Variants in FOXN4 observed in about 807,000 individuals in gnomAD.
FOXN4 encodes the protein forkhead box protein N4.
A neutral mutation model predicts 45.0 loss-of-function variants in FOXN4; 12 were observed. That is an observed-to-expected ratio of 0.27 (90% CI 0.17 to 0.43). The LOEUF is 0.43. Among genes scored for constraint, FOXN4 ranks in the 20% least tolerant of loss-of-function variants. The pLI is 1.00. For missense variants in FOXN4, 560 were observed against 694.9 expected (o/e 0.81, Z 2.18); for synonymous variants, 297 against 295.0 (o/e 1.01, Z -0.07).
rs1279735547 is a variant in FOXN4 at position 109,288,055 on chromosome 12, C to T, written c.357+1G>A. On this transcript the variant is annotated splice_donor_variant, in intron 4 of 9. Transcript: ENST00000299162. LOFTEE classifies it high-confidence loss of function. This position sits in a 1 kb window ranked among gnomAD's most constrained non-coding sequence, Gnocchi z 4.3. ...TCCGCAGTCCATGCAGTGCCACTTACGCTGTCTCTGTGGCCAGTTATGGGG... is the reference window on the plus strand; with the variant it reads ...TCCGCAGTCCATGCAGTGCCACTTATGCTGTCTCTGTGGCCAGTTATGGGG... 3 of 1,550,172 alleles carry T rather than the reference C, an allele frequency of 1.9e-6. No homozygotes were observed. The highest frequency in any genetic ancestry group is 1.4e-5 in the African/African-American group (1 of 73,042).
chr12:109,293,394 G>A (rs558539757), intron 2 of FOXN4, among the ~76,000 whole-genome samples: 14 of 152,286 alleles, frequency 9.2e-5, no homozygotes, highest in Admixed American at 4.6e-4. Flanking sequence ...GCCAGGACCA[G>A]CCAGTCCTGC....
chr12:109,287,489 C>T lies in FOXN4; in HGVS notation c.504G>A (p.Gly168=). 3 of 1,548,330 alleles carry T rather than the reference C, an allele frequency of 1.9e-6. No homozygotes were observed. The highest frequency in any genetic ancestry group is 2.6e-6 in the Non-Finnish European group (3 of 1,145,620). The change falls in exon 6 of 10, where the codon GGG becomes GGA. Residue 168 remains glycine, a synonymous_variant. Transcript: ENST00000299162. The surrounding 1 kb of genome is among the most constrained non-coding windows in gnomAD (Gnocchi z 4.1). ...GGGGCTGGGGGTAGGGGGGCCGCAC[C>T]CCAAATGGGGGGCCATAGAGGCCCA... ...PPVGLYGPPF[G]VRPPYPQPHV... is the part of the protein sequence containing the mutation.
In FOXN4 at chr12:109,290,237, G is replaced by A. The variant is rs2047754659; in HGVS notation, c.136C>T (p.Leu46=). ...ACATCCACCGCCGTGAGCCACGACA[G>A]CGACTGCAGGTCCCCGGGAAGGTCA... ...DDDLPGDLQS[L]SWLTAVDVPR... Residue 46 remains leucine (L), a synonymous_variant, in exon 3 of 10, where the codon CTG becomes TTG. Coordinates refer to ENST00000299162, the MANE Select transcript of FOXN4 (RefSeq NM_213596.3). This position sits in a 1 kb window ranked among gnomAD's most constrained non-coding sequence, Gnocchi z 5.1. 6.4e-7 allele frequency: 1 copy of A among 1,551,400 alleles called. No individual in the cohort carries two copies. The highest frequency in any genetic ancestry group is 8.7e-7 in the Non-Finnish European group (1 of 1,146,920).
intron 2 of FOXN4, among the ~76,000 whole-genome samples, chr12:109,307,996 A>G (rs2047936853): frequency 6.6e-6 from 1 of 152,162 alleles, no homozygotes; most frequent in East Asian, 1.9e-4. Flanking sequence ...TCAAATGCAG[A>G]AACGGACCTC....
At position 109,291,341 on chromosome 12, in the gene FOXN4, C is replaced by T. The variant is rs2047766324; in HGVS notation, c.87-1055G>A. On this transcript the variant is annotated intron_variant, in intron 2 of 9. Coordinates refer to ENST00000299162, the MANE Select transcript of FOXN4 (RefSeq NM_213596.3). This position sits in a 1 kb window ranked among gnomAD's most constrained non-coding sequence, Gnocchi z 6.6. The stretch of plus-strand genomic sequence containing the variant: ...CAGCCCAGGAGCACACGCCCGACTC[C>T]ACCACATCTGCCACCCCTGTAGCCA... Among the ~76,000 whole-genome samples, 1 of 152,106 alleles carries T rather than the reference C, an allele frequency of 6.6e-6. No individual in the cohort carries two copies. The highest frequency in any genetic ancestry group is 1.5e-5 in the Non-Finnish European group (1 of 68,016).
chr12:109,304,263 G>GAAAGAA (rs1409610126), intron 2 of FOXN4, among the ~76,000 whole-genome samples: 1 of 93,280 alleles, frequency 1.1e-5, no homozygotes, highest in South Asian at 3.2e-4. Context: ...AAGAAAGAAA[G>GAAAGAA]AAAGAAAGAA....
chr12:109,306,867 G>T (rs2047925900), intron 2 of FOXN4, among the ~76,000 whole-genome samples: 1 of 152,216 alleles, frequency 6.6e-6, no homozygotes, highest in Admixed American at 6.5e-5. Flanking sequence ...TAAATCACTT[G>T]GCATTATTTA....
chr12:109,283,064 T>C (rs368936566), intron 8 of FOXN4, among the ~76,000 whole-genome samples: 4 of 151,958 alleles, frequency 2.6e-5, no homozygotes, highest in African/African-American at 9.7e-5. Context: ...CTACACCGCA[T>C]GGTGATACCC....
At chr12:109,295,752 C>G (rs557895119) in intron 2 of FOXN4, among the ~76,000 whole-genome samples, 37 of 152,332 alleles carry the variant, frequency 2.4e-4, no homozygotes, top group African/African-American at 8.9e-4. Context: ...TGCCACTGCA[C>G]TCCAGCCTGG....
At chr12:109,294,036 C>A (rs2047794237) in intron 2 of FOXN4, among the ~76,000 whole-genome samples, 1 of 152,180 alleles carries the variant, frequency 6.6e-6, no homozygotes, top group African/African-American at 2.4e-5. Context: ...TGTCTGCCTC[C>A]CTCAGGTGGT....
At chr12:109,301,257 G>A (rs1373676490) in intron 2 of FOXN4, among the ~76,000 whole-genome samples, 1 of 152,200 alleles carries the variant, frequency 6.6e-6, no homozygotes, top group East Asian at 1.9e-4. Flanking sequence ...CCGAACAGAG[G>A]TGAGAACAGA....
At chr12:109,293,583 C>T (rs1306652955) in intron 2 of FOXN4, among the ~76,000 whole-genome samples, 12 of 152,150 alleles carry the variant, frequency 7.9e-5, no homozygotes, top group Admixed American at 7.2e-4. Context: ...CTGCAACCTC[C>T]GCCTCCTGAG....
chr12:109,298,250 A>G (rs963909492), intron 2 of FOXN4, among the ~76,000 whole-genome samples: 3 of 151,672 alleles, frequency 2.0e-5, no homozygotes, highest in African/African-American at 7.3e-5. Context: ...CTATCCAAGC[A>G]GTAGCCGAGG....
rs772409900 is a variant in FOXN4, at chr12:109,287,214, C to G, written c.596+183G>C. On this transcript the variant is annotated intron_variant, in intron 6 of 9. Coordinates refer to ENST00000299162, the MANE Select transcript of FOXN4 (RefSeq NM_213596.3). The surrounding 1 kb of genome is among the most constrained non-coding windows in gnomAD (Gnocchi z 4.1). ...ACTCAGGTCTGCAGTGGGCTCTTGACCTGGGGGACCCTATGATGCGCCTTC... is the reference window on the plus strand; with the variant it reads ...ACTCAGGTCTGCAGTGGGCTCTTGAGCTGGGGGACCCTATGATGCGCCTTC... Among the ~76,000 whole-genome samples the G allele has an allele frequency of 7.2e-5, 11 of 152,182 alleles. No individual in the cohort carries two copies. The highest frequency in any genetic ancestry group is 1.0e-4 in the Non-Finnish European group (7 of 68,030).
At position 109,287,458 on chromosome 12, in the gene FOXN4, C is replaced by A. The variant is rs1479964341; in HGVS notation, c.535G>T (p.Ala179Ser). The A allele has an allele frequency of 1.9e-6, 3 of 1,551,206 alleles. No individual in the cohort carries two copies. Among genetic ancestry groups the A allele is most frequent in the Non-Finnish European group, 2.6e-6 (3 of 1,146,804 alleles). ...VRPPYPQPHV[A>S]VHSSQELHPK... ...TGCAGTTCTTGAGATGAATGCACAG[C>A]CACGTGGGGCTGGGGGTAGGGGGGC... The change falls in exon 6 of 10, where the codon GCT (alanine) becomes TCT (serine). Residue 179 changes from alanine to serine, a missense_variant. Physicochemically the swap from Ala to Ser is moderately conservative, Grantham distance 99. This residue lies in a region of FOXN4 where 61 missense variants were observed against 59.8 expected (regional missense o/e 1.02). Coordinates refer to ENST00000299162, the MANE Select transcript of FOXN4 (RefSeq NM_213596.3). The surrounding 1 kb of genome is among the most constrained non-coding windows in gnomAD (Gnocchi z 4.1).
chr12:109,304,221 G>GAAAGAGAAAGAAAGAA (rs1555244327), intron 2 of FOXN4, among the ~76,000 whole-genome samples: 1 of 82,480 alleles, frequency 1.2e-5, no homozygotes, highest in Non-Finnish European at 2.3e-5. Context: ...AGAAAAGAAA[G>GAAAGAGAAAGAAAGAA]AGAAAGAAAG....
rs1005932253 is a variant in FOXN4, at chr12:109,288,482, G to A, written c.233-302C>T. On this transcript the variant is annotated intron_variant, in intron 3 of 9. Transcript: ENST00000299162. This position sits in a 1 kb window ranked among gnomAD's most constrained non-coding sequence, Gnocchi z 4.3. ...CTATCAAGTGCTTAGCACACTGCTG[G>A]GCACATGATAATATCTCAATAAACA... is the stretch of plus-strand genomic sequence containing the variant. Among the ~76,000 whole-genome samples the A allele has an allele frequency of 3.9e-5, 6 of 152,120 alleles. No homozygotes were observed. The highest frequency in any genetic ancestry group is 2.0e-4 in the Admixed American group (3 of 15,276).
Position 109,285,935 on chromosome 12 carries a change from G to A in FOXN4, c.694-424C>T, listed in dbSNP as rs957646770. On this transcript the variant is annotated intron_variant, in intron 7 of 9. Transcript: ENST00000299162. ...GGCTGGAGTACAGTGGTATGATCAC[G>A]GCTCACTGCAACCTCAACCTCCTGG... is the stretch of plus-strand genomic sequence containing the variant. 6.0e-5 allele frequency among the ~76,000 whole-genome samples: 9 copies of A among 149,968 alleles called. No individual in the cohort carries two copies. The South Asian group carries it at 1.3e-3, about 21-fold the overall frequency.
intron 2 of FOXN4, among the ~76,000 whole-genome samples, chr12:109,296,868 A>G (rs1300727285): frequency 6.6e-6 from 1 of 152,228 alleles, no homozygotes; most frequent in Non-Finnish European, 1.5e-5. Context: ...GGGGTGGACA[A>G]GCCCCTGGTG....
Sources: allele counts gnomAD v4.1 joint callset (sites outside exome capture counted in the v4.1 genomes callset), GRCh38; gene constraint gnomAD v4.1.1; regional missense constraint gnomAD v4.1.1; non-coding constraint Gnocchi (gnomAD v3.1); transcripts MANE v1.5; gene names NCBI Gene and HGNC (gene_info 2026-07-23, HGNC 2026-07-21).